The following PTPRG variants were observed in gnomAD, a reference collection of about 807,000 sequenced individuals.
PTPRG encodes receptor-type tyrosine-protein phosphatase gamma.
PTPRG carries 102 observed loss-of-function variants against 165.3 expected under a neutral mutation model. That is an observed-to-expected ratio of 0.62 (90% confidence interval 0.53 to 0.73). The LOEUF (loss-of-function observed/expected upper bound fraction) is 0.73, where lower values mean the gene tolerates loss of function less well. PTPRG is among the 30% of genes least tolerant of loss of function. The pLI, the probability that PTPRG is intolerant of heterozygous loss-of-function variation, is 0.00. For missense variants in PTPRG, 1,866 were observed against 1,861.4 expected (o/e 1.00, Z -0.05); for synonymous variants, 675 against 669.5 (o/e 1.01, Z -0.13).
chr3:61,948,640 T>C (rs2039823274), intron 2 of PTPRG, among the ~76,000 whole-genome samples: 1 of 152,094 alleles, frequency 6.6e-6, no homozygotes, highest in African/African-American at 2.4e-5. Context: ...AACAGGAGAT[T>C]CTATTAGAGA....
chr3:62,237,641 T>C lies in PTPRG; in HGVS notation c.2376-6166T>C, dbSNP rs751340562. Reference sequence around the variant, plus strand: ...AAAATATCTCCCTTATTTGAAAGCATGGAAGGTTATTTTTAGAAATTTCAG... The same window carrying C: ...AAAATATCTCCCTTATTTGAAAGCACGGAAGGTTATTTTTAGAAATTTCAG... On this transcript the variant is annotated intron_variant, in intron 14 of 29. Coordinates refer to ENST00000474889, the MANE Select transcript of PTPRG (RefSeq NM_002841.4). The surrounding 1 kb of genome is among the most constrained non-coding windows in gnomAD (Gnocchi z 4.5). 2.0e-5 allele frequency among the ~76,000 whole-genome samples: 3 copies of C among 152,210 alleles called. No homozygotes were observed. The highest frequency in any genetic ancestry group is 4.4e-5 in the Non-Finnish European group (3 of 68,034).
At chr3:61,775,968 A>C (rs772046510) in intron 2 of PTPRG, among the ~76,000 whole-genome samples, 92 of 151,860 alleles carry the variant, frequency 6.1e-4, no homozygotes, top group South Asian at 1.3e-3. Flanking sequence ...AGGAGATATA[A>C]CTAATGCTAA....
intron 4 of PTPRG, among the ~76,000 whole-genome samples, chr3:62,060,168 C>T (rs1385377332): frequency 6.7e-6 from 1 of 148,564 alleles, no homozygotes; most frequent in African/African-American, 2.5e-5. Context: ...GCCATGGTCA[C>T]ACCACCGCAC....
At chr3:62,124,259 G>T (rs1013758200) in intron 5 of PTPRG, 50 of 1,396,822 alleles carry the variant, frequency 3.6e-5, no homozygotes, top group Non-Finnish European at 1.5e-5. Flanking sequence ...GAATTCAGAA[G>T]CCTGCAAGGA....
chr3:61,913,910 G>A (rs1208106864), intron 2 of PTPRG, among the ~76,000 whole-genome samples: 1 of 152,214 alleles, frequency 6.6e-6, no homozygotes, highest in Non-Finnish European at 1.5e-5. Context: ...TGTAAACTGA[G>A]AGGCGTGGTC....
intron 2 of PTPRG, among the ~76,000 whole-genome samples, chr3:61,774,839 A>C (rs1207488328): frequency 6.6e-6 from 1 of 152,152 alleles, no homozygotes; most frequent in Non-Finnish European, 1.5e-5. Context: ...GTTATTAGTT[A>C]AAACAAGATG....
intron 5 of PTPRG, among the ~76,000 whole-genome samples, chr3:62,097,799 G>A (rs1206898886): frequency 6.6e-6 from 1 of 152,098 alleles, no homozygotes; most frequent in Non-Finnish European, 1.5e-5. Context: ...GAATATTTTA[G>A]TGGGGCAACA....
At chr3:62,009,427 C>G (rs1479960977) in intron 4 of PTPRG, among the ~76,000 whole-genome samples, 1 of 152,142 alleles carries the variant, frequency 6.6e-6, no homozygotes, top group African/African-American at 2.4e-5. Context: ...TTTGAACATT[C>G]TGTTTGGGCC....
At chr3:62,265,604 G>A (rs577834268) in intron 17 of PTPRG, among the ~76,000 whole-genome samples, 3 of 151,948 alleles carry the variant, frequency 2.0e-5, no homozygotes, top group Non-Finnish European at 4.4e-5. Context: ...TTTTGAATAG[G>A]ATTGTTTGTT....
intron 8 of PTPRG, among the ~76,000 whole-genome samples, chr3:62,173,268 AT>A (rs1705288907): frequency 6.6e-6 from 1 of 151,780 alleles, no homozygotes; most frequent in Admixed American, 6.6e-5. Flanking sequence ...TTCCTTCCAA[AT>A]ATTTTTGGTC....
rs183596659 is a variant in PTPRG, at chr3:61,766,224, C to T, written c.190+17242C>T. Among the ~76,000 whole-genome samples, 11 of 151,880 alleles carry T rather than the reference C, an allele frequency of 7.2e-5. No individual in the cohort carries two copies. The East Asian group carries it at 2.1e-3, about 29-fold the overall frequency. On this transcript the variant is annotated intron_variant, in intron 2 of 29. Transcript: ENST00000474889. The stretch of plus-strand genomic sequence containing the variant: ...AAATTGTGAGCTGTGAATGTTATTC[C>T]ATCTTCCTTCATTCCTATACAGTTT...
intron 15 of PTPRG, among the ~76,000 whole-genome samples, chr3:62,244,581 C>T (rs1245249578): frequency 6.6e-6 from 1 of 152,160 alleles, no homozygotes; most frequent in African/African-American, 2.4e-5. Flanking sequence ...ATTTTAGATA[C>T]ATCTATCCTC....
intron 2 of PTPRG, among the ~76,000 whole-genome samples, chr3:61,914,420 C>T (rs959307157): frequency 1.2e-4 from 18 of 152,164 alleles, no homozygotes; most frequent in Non-Finnish European, 8.8e-5. Context: ...ATGTGACTCC[C>T]GGCAATATTT....
chr3:61,722,136 T>C (rs550688453), intron 1 of PTPRG, among the ~76,000 whole-genome samples: 1 of 152,070 alleles, frequency 6.6e-6, no homozygotes, highest in African/African-American at 2.4e-5. Context: ...AAGTCAAAGA[T>C]GGAGGGGCTG....
chr3:61,798,658 G>A (rs1323832131), intron 2 of PTPRG, among the ~76,000 whole-genome samples: 2 of 102,524 alleles, frequency 2.0e-5, no homozygotes, highest in Non-Finnish European at 4.1e-5. Flanking sequence ...GAGTTATTTT[G>A]AATCTTTTCA....
chr3:61,608,392 C>G (rs1287981872), intron 1 of PTPRG, among the ~76,000 whole-genome samples: 1 of 152,152 alleles, frequency 6.6e-6, no homozygotes, highest in East Asian at 1.9e-4. Context: ...GTGATCTCAC[C>G]ACGTGTGTAA....
chr3:61,702,682 A>AC (rs2031035880), intron 1 of PTPRG, among the ~76,000 whole-genome samples: 1 of 151,750 alleles, frequency 6.6e-6, no homozygotes, highest in Non-Finnish European at 1.5e-5. Context: ...ATTTTTCCCA[A>AC]CCCCCCACCA....
intron 2 of PTPRG, among the ~76,000 whole-genome samples, chr3:61,983,562 A>C (rs1454792260): frequency 1.3e-5 from 2 of 152,116 alleles, no homozygotes; most frequent in Admixed American, 6.6e-5. Flanking sequence ...AATAGGAACC[A>C]TTATTTGGAT....
At chr3:62,183,987 G>T (rs952419243) in intron 8 of PTPRG, among the ~76,000 whole-genome samples, 1 of 152,204 alleles carries the variant, frequency 6.6e-6, no homozygotes, top group East Asian at 1.9e-4. Flanking sequence ...ACTGCTCCAT[G>T]GAGTGCCCTG....
Sources: allele counts gnomAD v4.1 joint callset (sites outside exome capture counted in the v4.1 genomes callset), GRCh38; gene constraint gnomAD v4.1.1; non-coding constraint Gnocchi (gnomAD v3.1); transcripts MANE v1.5; gene names NCBI Gene and HGNC (gene_info 2026-07-23, HGNC 2026-07-21).